SSBP3: variants seen among roughly 807,000 people sequenced by gnomAD.
SSBP3 encodes the protein single stranded DNA binding protein 3, also known as single-stranded DNA-binding protein 3.
SSBP3 carries 5 observed loss-of-function variants against 69.6 expected under a neutral mutation model. That is an observed-to-expected ratio of 0.07 (90% CI 0.04 to 0.15). The LOEUF (loss-of-function observed/expected upper bound fraction) is 0.15. Among genes scored for constraint, SSBP3 ranks in the 10% least tolerant of loss-of-function variants. The pLI, the probability that SSBP3 is intolerant of heterozygous loss-of-function variation, is 1.00. For synonymous variants in SSBP3, 196 were observed against 193.4 expected (o/e 1.01, Z -0.11); for missense variants, 312 against 534.0 (o/e 0.58, Z 4.10).
chr1:54,404,903 T>C lies in SSBP3; in HGVS notation c.84A>G (p.Leu28=), dbSNP rs199624968. Residue 28 remains leucine (L), a synonymous_variant, in exon 2 of 18, where the codon TTA becomes TTG. Transcript: ENST00000610401. ...CAGATTTCTGTGCTCCTACGTGCAG[T>C]AAATATTCGTAGACGTATAAAGCTA... The C allele has an allele frequency of 3.7e-6, 6 of 1,611,408 alleles. No individual in the cohort carries two copies. The African/African-American group carries it at 5.4e-5, about 14-fold the overall frequency.
chr1:54,331,612 C>T (rs1335194443), intron 4 of SSBP3, among the ~76,000 whole-genome samples: 1 of 152,212 alleles, frequency 6.6e-6, no homozygotes, highest in African/African-American at 2.4e-5. Context: ...CAGGATTTGG[C>T]ATTTGCCTGT....
intron 4 of SSBP3, among the ~76,000 whole-genome samples, chr1:54,341,307 G>A (rs2100522633): frequency 6.6e-6 from 1 of 152,302 alleles, no homozygotes; most frequent in Admixed American, 6.5e-5. Context: ...CCCTGGCCTT[G>A]TGGACTGCTG....
intron 4 of SSBP3, among the ~76,000 whole-genome samples, chr1:54,303,091 C>T (rs1645832600): frequency 1.3e-5 from 2 of 152,212 alleles, no homozygotes; most frequent in South Asian, 4.1e-4. Context: ...CTGTACAACA[C>T]AATTAGAGAC....
At chr1:54,269,967 GCCCTACCTCCCAA>G (rs1369541028) in intron 5 of SSBP3, among the ~76,000 whole-genome samples, 1 of 152,230 alleles carries the variant, frequency 6.6e-6, no homozygotes, top group Non-Finnish European at 1.5e-5. Flanking sequence ...GCCAGAGGCT[GCCCTACCTCCCAA>G]CCCTGGGAGC....
chr1:54,348,240 TGG>T, intron 4 of SSBP3, among the ~76,000 whole-genome samples: 1 of 1,612 alleles, frequency 6.2e-4, no homozygotes, highest in African/African-American at 2.5e-3. Context: ...ATAGAAGGCA[TGG>T]GGGGCGGGGG....
intron 14 of SSBP3, among the ~76,000 whole-genome samples, chr1:54,233,792 G>A (rs941187236): frequency 1.3e-5 from 2 of 151,178 alleles, no homozygotes; most frequent in African/African-American, 2.4e-5. Context: ...CCGGCCAGCC[G>A]CCCTGTCCGG....
At chr1:54,259,479 G>A (rs926005017) in intron 5 of SSBP3, among the ~76,000 whole-genome samples, 3 of 152,230 alleles carry the variant, frequency 2.0e-5, no homozygotes, top group African/African-American at 7.2e-5. Context: ...AGCGTGGGAT[G>A]CTGATGCCAG....
At chr1:54,413,008 C>G (rs1650031254) in intron 1 of SSBP3, 1 of 152,204 alleles carries the variant, frequency 6.6e-6, no homozygotes, top group African/African-American at 2.4e-5. Context: ...GCCACCGCGC[C>G]TGGCCTGCAA....
intron 4 of SSBP3, among the ~76,000 whole-genome samples, chr1:54,316,655 AAAAAT>A (rs1159805024): frequency 1.9e-5 from 1 of 52,322 alleles, no homozygotes; most frequent in African/African-American, 1.2e-4. Flanking sequence ...CTCAAAAAAA[AAAAAT>A]AAAATAAATA....
In SSBP3 at chr1:54,330,918, A is replaced by G. The variant is rs191624536; in HGVS notation, c.277-49391T>C. 2.8e-4 allele frequency among the ~76,000 whole-genome samples: 43 copies of G among 152,330 alleles called. 2 individuals carry two copies. Among genetic ancestry groups the G allele is most frequent in the Admixed American group, 2.7e-3 (42 of 15,306 alleles). ...GGTGCCAGGGAGCAGGGATCCCCCA[A>G]TGCATGATTCGGCAGAGCCTGGAAG... is the stretch of plus-strand genomic sequence containing the variant. On this transcript the variant is annotated intron_variant, in intron 4 of 17. Coordinates refer to ENST00000610401, the Ensembl canonical transcript of SSBP3.
At chr1:54,360,731 A>G (rs1316576787) in intron 4 of SSBP3, among the ~76,000 whole-genome samples, 1 of 152,160 alleles carries the variant, frequency 6.6e-6, no homozygotes, top group Non-Finnish European at 1.5e-5. Flanking sequence ...TCGAGTCTCA[A>G]TTTCCTCACC....
intron 5 of SSBP3, among the ~76,000 whole-genome samples, chr1:54,274,004 CA>C (rs948041701): frequency 6.6e-6 from 1 of 152,214 alleles, no homozygotes; most frequent in Non-Finnish European, 1.5e-5. Context: ...AGGCGGACAG[CA>C]GGGCGGAGGA....
At chr1:54,405,236 G>A (rs1271476324) in intron 1 of SSBP3, among the ~76,000 whole-genome samples, 1 of 152,178 alleles carries the variant, frequency 6.6e-6, no homozygotes, top group Non-Finnish European at 1.5e-5. Flanking sequence ...CGACCCCACA[G>A]CCACCTTGCC....
At chr1:54,404,732 T>C (rs1271277845) in intron 2 of SSBP3, 95 bp from the exon 3 acceptor site, 4 of 1,403,200 alleles carry the variant, frequency 2.9e-6, no homozygotes, top group Non-Finnish European at 4.0e-6. Flanking sequence ...CAACTAACAA[T>C]AAATGCCAAA....
In SSBP3 at chr1:54,261,476, G is replaced by A. The variant is rs180831650; in HGVS notation, c.367-3327C>T. 8.5e-5 allele frequency among the ~76,000 whole-genome samples: 13 copies of A among 152,302 alleles called. No homozygotes were observed. In the East Asian group the frequency reaches 1.7e-3, roughly 20 times the overall value. On this transcript the variant is annotated intron_variant, in intron 5 of 17. Transcript: ENST00000610401. Reference sequence around the variant, plus strand: ...TGAGGGCTCTGACCTTTGGTGGGACGGGGGCCGCTCTCTTCCCCGAACTCT... The same window carrying A: ...TGAGGGCTCTGACCTTTGGTGGGACAGGGGCCGCTCTCTTCCCCGAACTCT...
intron 4 of SSBP3, among the ~76,000 whole-genome samples, chr1:54,378,847 C>CCGCTTTATCCTCCT (rs1337165312): frequency 6.6e-6 from 1 of 152,186 alleles, no homozygotes; most frequent in African/African-American, 2.4e-5. Flanking sequence ...AAAAGAGAGC[C>CCGCTTTATCCTCCT]CGCTTTATCC....
intron 4 of SSBP3, among the ~76,000 whole-genome samples, chr1:54,360,907 T>C (rs1182691153): frequency 7.0e-6 from 1 of 143,480 alleles, no homozygotes; most frequent in Non-Finnish European, 1.5e-5. Context: ...TAGTAAGACC[T>C]TGTCTCTACT....
chr1:54,298,083 C>G (rs113313783), intron 4 of SSBP3, among the ~76,000 whole-genome samples: 1 of 152,152 alleles, frequency 6.6e-6, no homozygotes, highest in Non-Finnish European at 1.5e-5. Context: ...AGGAAGCCTC[C>G]GGGTGCAGGT....
chr1:54,285,309 C>T (rs1017893542), intron 4 of SSBP3: 1 of 152,096 alleles, frequency 6.6e-6, no homozygotes, highest in African/African-American at 2.4e-5. Flanking sequence ...AAATAACTTG[C>T]TCACAAAATC....
Sources: allele counts gnomAD v4.1 joint callset (sites outside exome capture counted in the v4.1 genomes callset), GRCh38; gene constraint gnomAD v4.1.1; transcripts MANE v1.5; gene names NCBI Gene and HGNC (gene_info 2026-07-23, HGNC 2026-07-21).